NUGGC: variants seen among roughly 807,000 people sequenced by gnomAD.
NUGGC encodes nuclear GTPase, germinal center associated.
In NUGGC, 58 loss-of-function variants were observed where a neutral mutation model predicts 92.6. The observed-to-expected ratio is 0.63, with a 90% CI of 0.51 to 0.78. The LOEUF is 0.78. Among genes scored for constraint, NUGGC ranks in the 30% least tolerant of loss-of-function variants. The pLI is 0.00. For synonymous variants in NUGGC, 376 were observed against 366.4 expected (o/e 1.03, Z -0.30); for missense variants, 925 against 964.6 (o/e 0.96, Z 0.54).
At position 28,045,678 on chromosome 8, in the gene NUGGC, C is replaced by T; in HGVS notation, c.1313-18G>A. On this transcript the variant is annotated intron_variant, in intron 11 of 18. Coordinates refer to ENST00000413272, the MANE Select transcript of NUGGC (RefSeq NM_001010906.2). Reference sequence around the variant, plus strand: ...AGGGATTTCTGGAATTCACAGGCAGCACAAATAATTGTTAAAGGCCAGAAG... The same window carrying T: ...AGGGATTTCTGGAATTCACAGGCAGTACAAATAATTGTTAAAGGCCAGAAG... The T allele has an allele frequency of 6.2e-7, 1 of 1,604,634 alleles. No homozygotes were observed. Among genetic ancestry groups the T allele is most frequent in the South Asian group, 1.1e-5 (1 of 88,822 alleles).
intron 14 of NUGGC, 93 bp from the exon 15 acceptor site, chr8:28,031,474 T>G: frequency 1.7e-6 from 2 of 1,211,358 alleles, no homozygotes; most frequent in Non-Finnish European, 2.4e-6. Flanking sequence ...TTTATTCATT[T>G]AAGAGAAGGA....
At chr8:28,062,742 C>T (rs1164919832) in intron 7 of NUGGC, among the ~76,000 whole-genome samples, 3 of 152,162 alleles carry the variant, frequency 2.0e-5, no homozygotes, top group African/African-American at 4.8e-5. Flanking sequence ...GCAGGGCCCC[C>T]GTCACCTTCA....
intron 13 of NUGGC, among the ~76,000 whole-genome samples, chr8:28,034,619 C>A (rs1585558237): frequency 1.3e-5 from 2 of 152,086 alleles, no homozygotes; most frequent in African/African-American, 4.8e-5. Flanking sequence ...AGTTCAAGAC[C>A]ATCCTGGCCA....
rs535467856 is a variant in NUGGC, at chr8:28,038,049, T to G, written c.1611+3002A>C. Among the ~76,000 whole-genome samples the G allele has an allele frequency of 1.2e-4, 18 of 152,330 alleles. 1 individual carries two copies. In the South Asian group the frequency reaches 3.7e-3, roughly 32 times the overall value. ...CATCATGAGAGAAGCAGCCTGAGAA[T>G]GGGGCCCATGGAGGCACTGGATTCA... On this transcript the variant is annotated intron_variant, in intron 13 of 18. Coordinates refer to ENST00000413272, the MANE Select transcript of NUGGC (RefSeq NM_001010906.2).
At chr8:28,072,041 T>A (rs937883110) in intron 2 of NUGGC, among the ~76,000 whole-genome samples, 5 of 152,162 alleles carry the variant, frequency 3.3e-5, no homozygotes, top group Non-Finnish European at 1.5e-5. Context: ...TCCCTCTCTG[T>A]TCAACCTTGC....
intron 16 of NUGGC, among the ~76,000 whole-genome samples, 183 bp from the exon 17 acceptor site, chr8:28,029,585 A>T (rs1449108420): frequency 6.6e-6 from 1 of 151,936 alleles, no homozygotes; most frequent in African/African-American, 2.4e-5. Flanking sequence ...CCCCATCTCT[A>T]CTAAAAATAC....
intron 13 of NUGGC, among the ~76,000 whole-genome samples, chr8:28,039,491 C>T (rs1809639224): frequency 1.3e-5 from 2 of 152,194 alleles, no homozygotes; most frequent in African/African-American, 4.8e-5. Flanking sequence ...CTCAGCCTCC[C>T]AAAGTGCTGG....
intron 9 of NUGGC, among the ~76,000 whole-genome samples, chr8:28,057,919 C>T (rs1175609976): frequency 6.6e-6 from 1 of 152,058 alleles, no homozygotes; most frequent in African/African-American, 2.4e-5. Context: ...AGGCCGGGCG[C>T]GGTGGCTCAC....
At chr8:28,078,756 T>G (rs1810780459) in intron 1 of NUGGC, among the ~76,000 whole-genome samples, 1 of 152,074 alleles carries the variant, frequency 6.6e-6, no homozygotes, top group South Asian at 2.1e-4. Context: ...TCAAGTGCAT[T>G]GTATTAAGGA....
chr8:28,023,163 A>C lies in NUGGC; in HGVS notation c.*154T>G. On this transcript the variant is annotated 3_prime_UTR_variant, in exon 19 of 19. Coordinates refer to ENST00000413272, the MANE Select transcript of NUGGC (RefSeq NM_001010906.2). Reference sequence around the variant, plus strand: ...TGAGGCTGGAGGATCGCTTGAGCCTAGGAGTTCGAGGCTGCAGTGAGCTGT... The same window carrying C: ...TGAGGCTGGAGGATCGCTTGAGCCTCGGAGTTCGAGGCTGCAGTGAGCTGT... 1 of 753,290 alleles carries C rather than the reference A, an allele frequency of 1.3e-6. No homozygotes were observed. The highest frequency in any genetic ancestry group is 2.1e-6 in the Non-Finnish European group (1 of 484,480). The allele number at this position is 753,290 out of a possible 1,614,324, so 46.7% of individuals were successfully genotyped here.
chr8:28,033,658 C>A lies in NUGGC; in HGVS notation c.1651G>T (p.Ala551Ser), dbSNP rs763499455. 1.2e-6 allele frequency: 2 copies of A among 1,613,872 alleles called. No individual in the cohort carries two copies. The highest frequency in any genetic ancestry group is 2.7e-5 in the African/African-American group (2 of 74,932). ...GNQGFHQTLK[A>S]VCLKNGIYAS... is the part of the protein sequence containing the mutation. ...TAGATGCCATTTTTCAGGCAAACAG[C>A]TTTCAGGGTCTGATGAAAACCTTGG... is the stretch of plus-strand genomic sequence containing the variant. Residue 551 changes from alanine (A) to serine (S), a missense_variant, in exon 14 of 19, where the codon GCT (alanine) becomes TCT (serine). Transcript: ENST00000413272.
At chr8:28,067,468 C>T in intron 6 of NUGGC, 46 bp downstream of exon 6, 1 of 1,277,100 alleles carries the variant, frequency 7.8e-7, no homozygotes, top group African/African-American at 1.5e-5. Flanking sequence ...AACTGTTAGA[C>T]TTGAGACCCA....
intron 3 of NUGGC, 21 bp downstream of exon 3, chr8:28,070,231 C>A (rs1451424581): frequency 2.0e-6 from 3 of 1,527,828 alleles, no homozygotes; most frequent in Non-Finnish European, 2.7e-6. Flanking sequence ...CATGTTAAAA[C>A]AACAGTTCCA....
chr8:28,082,857 G>C (rs1174571105), intron 1 of NUGGC, among the ~76,000 whole-genome samples: 1 of 152,166 alleles, frequency 6.6e-6, no homozygotes, highest in Admixed American at 6.5e-5. Flanking sequence ...AGTGAGCCAT[G>C]TTCATACCAC....
intron 13 of NUGGC, among the ~76,000 whole-genome samples, chr8:28,035,924 C>G (rs1272825851): frequency 1.3e-5 from 2 of 152,208 alleles, no homozygotes; most frequent in African/African-American, 4.8e-5. Flanking sequence ...TCTCTGTCAC[C>G]CAGGCTGGAG....
At position 28,068,351 on chromosome 8, in the gene NUGGC, G is replaced by T; in HGVS notation, c.345C>A (p.Ser115=). 6.3e-7 allele frequency: 1 copy of T among 1,575,176 alleles called. No individual in the cohort carries two copies. Among genetic ancestry groups the T allele is most frequent in the East Asian group, 2.3e-5 (1 of 43,162 alleles). ...LFGSTGAGKS[S]LINAIIQQAM... is the part of the protein sequence containing the mutation. ...CTTGCTGGATGATGGCATTGATCAG[G>T]GAGCTCTTCCCAGCCCCAGTGCTTC... Residue 115 remains serine (S), a synonymous_variant, in exon 5 of 19, where the codon TCC becomes TCA. Coordinates refer to ENST00000413272, the MANE Select transcript of NUGGC (RefSeq NM_001010906.2).
intron 1 of NUGGC, among the ~76,000 whole-genome samples, chr8:28,077,310 A>T (rs1196319414): frequency 6.6e-6 from 1 of 151,980 alleles, no homozygotes; most frequent in East Asian, 1.9e-4. Flanking sequence ...TAATCCCAGC[A>T]CTTTGGGAGG....
intron 7 of NUGGC, among the ~76,000 whole-genome samples, chr8:28,061,955 T>C (rs1810317889): frequency 6.6e-6 from 1 of 152,184 alleles, no homozygotes. Context: ...GCTTTTAGCA[T>C]GGGAGGCTTT....
Position 28,070,368 on chromosome 8 carries a change from C to T in NUGGC, c.44-12G>A, listed in dbSNP as rs1176784616. On this transcript the variant is annotated splice_polypyrimidine_tract_variant and intron_variant, in intron 2 of 18. Coordinates refer to ENST00000413272, the MANE Select transcript of NUGGC (RefSeq NM_001010906.2). The stretch of plus-strand genomic sequence containing the variant: ...TAAATCATCTTCAACTAGAGATAAA[C>T]AGAGGATATATAAGATTATAGGTGT... The T allele has an allele frequency of 1.5e-6, 2 of 1,332,964 alleles. No homozygotes were observed. The highest frequency in any genetic ancestry group is 5.0e-5 in the East Asian group (2 of 39,878). The allele number at this position is 1,332,964 out of a possible 1,614,324, so 82.6% of individuals were successfully genotyped here. A position where few individuals can be genotyped will look rare whatever the true frequency, so the allele number is the denominator to read the frequency against.
Sources: gnomAD v4.1 joint callset for allele counts (sites outside exome capture counted in the v4.1 genomes callset) on GRCh38, gnomAD v4.1.1 for gene constraint, MANE v1.5 for transcripts, NCBI Gene and HGNC (gene_info 2026-07-23, HGNC 2026-07-21) for gene names.